Variants in MDM2 observed in about 807,000 individuals in gnomAD.
The protein encoded by MDM2 is MDM2 proto-oncogene, also known as E3 ubiquitin-protein ligase Mdm2.
In MDM2, 11 loss-of-function variants were observed where a neutral mutation model predicts 64.3. The observed-to-expected ratio is 0.17, with a 90% CI of 0.11 to 0.28. The LOEUF is 0.28. Among genes scored for constraint, MDM2 ranks in the 10% least tolerant of loss-of-function variants. The probability of loss-of-function intolerance (pLI) is 1.00; values close to 1 mark genes in which losing one functional copy is unlikely to be tolerated. For missense variants in MDM2, 388 were observed against 577.1 expected, an observed-to-expected ratio of 0.67 and a Z score of 3.36; for synonymous variants, 194 against 192.9, an observed-to-expected ratio of 1.01 and a Z score of -0.05.
intron 8 of MDM2, among the ~76,000 whole-genome samples, chr12:68,833,310 A>ATTTATAT (rs1883023644): frequency 1.8e-5 from 1 of 55,820 alleles, no homozygotes; most frequent in African/African-American, 7.9e-5. Flanking sequence ...TATAAATATA[A>ATTTATAT]AAATATAATT....
rs1397768986 is a variant in MDM2 at position 68,844,108 on chromosome 12, T to C, written c.*4259T>C. The stretch of plus-strand genomic sequence containing the variant: ...AATCTGCAAATGGATTCAACATGTT[T>C]ATGGGTTATTAAAATTGTCTGATTT... On this transcript the variant is annotated 3_prime_UTR_variant, in exon 11 of 11. Transcript: ENST00000258149. 3 of 207,342 alleles carry C rather than the reference T, an allele frequency of 1.4e-5. No individual in the cohort carries two copies. 12.8% of individuals were successfully genotyped at this position (207,342 alleles called of 1,614,324 possible). A position where few individuals can be genotyped will look rare whatever the true frequency, so the allele number is the denominator to read the frequency against.
At chr12:68,837,185 C>T (rs1056621529) in intron 10 of MDM2, among the ~76,000 whole-genome samples, 1 of 151,964 alleles carries the variant, frequency 6.6e-6, no homozygotes, top group African/African-American at 2.4e-5. Context: ...AACTCCTGAC[C>T]TCAAGTGATC....
Position 68,836,741 on chromosome 12 carries a change from T to C in MDM2, c.910T>C (p.Ser304Pro), listed in dbSNP as rs755429424. The stretch of plus-strand genomic sequence containing the variant: ...TTCATTTGAAGAAGATCCTGAAATT[T>C]CCTTAGCTGTAAGTATACATCTACT... ...TDSFEEDPEISLADYWKCTSC... is the reference protein window; with the variant it reads ...TDSFEEDPEIPLADYWKCTSC... Residue 304 changes from serine to proline, a missense_variant, in exon 10 of 11, where the codon TCC becomes CCC. Ser to Pro is a moderately conservative substitution (Grantham distance 74, BLOSUM62 -1). Transcript: ENST00000258149. The C allele has an allele frequency of 2.5e-6, 4 of 1,608,782 alleles. No individual in the cohort carries two copies. The Admixed American group carries it at 6.7e-5, about 27-fold the overall frequency.
chr12:68,833,323 A>G lies in MDM2; in HGVS notation c.685-2506A>G, dbSNP rs1415539862. 4.5e-5 allele frequency among the ~76,000 whole-genome samples: 6 copies of G among 133,194 alleles called. 1 individual carries two copies. The highest frequency in any genetic ancestry group is 4.3e-4 in the South Asian group (2 of 4,608). 87.4% of individuals were successfully genotyped at this position (133,194 alleles called of 152,430 possible). On this transcript the variant is annotated intron_variant, in intron 8 of 10. Coordinates refer to ENST00000258149, the MANE Select transcript of MDM2 (RefSeq NM_002392.6). ...TATATAAATATAAAAATATAATTATATAAATATAAAAATATATATTTATGT... is the reference window on the plus strand; with the variant it reads ...TATATAAATATAAAAATATAATTATGTAAATATAAAAATATATATTTATGT...
intron 4 of MDM2, 48 bp from the exon 5 acceptor site, chr12:68,820,277 A>G (rs373812706): frequency 1.4e-6 from 2 of 1,390,498 alleles, no homozygotes; most frequent in African/African-American, 2.9e-5. Context: ...ACAAATTTTT[A>G]TTCTAAAATG....
intron 3 of MDM2, 48 bp from the exon 4 acceptor site, chr12:68,816,764 C>A: frequency 6.8e-7 from 1 of 1,464,008 alleles, no homozygotes. Context: ...GTATTTACAA[C>A]TAACATTTAG....
chr12:68,824,521 T>G, intron 6 of MDM2, 34 bp from the exon 7 acceptor site: 1 of 1,595,878 alleles, frequency 6.3e-7, no homozygotes, highest in Non-Finnish European at 8.6e-7. Flanking sequence ...TTATGTTAAG[T>G]TTGTTGTATT....
intron 8 of MDM2, among the ~76,000 whole-genome samples, chr12:68,831,250 TACAC>T (rs1435137211): frequency 6.6e-5 from 10 of 152,264 alleles, no homozygotes; most frequent in East Asian, 3.9e-4. Flanking sequence ...AGCTCCCCCT[TACAC>T]AGACAGAGGG....
chr12:68,830,397 T>C (rs1040957500), intron 8 of MDM2, among the ~76,000 whole-genome samples: 3 of 152,208 alleles, frequency 2.0e-5, no homozygotes, highest in African/African-American at 4.8e-5. Flanking sequence ...CTGTTACTTA[T>C]GTAGACCGCT....
chr12:68,811,055 G>C (rs548394193), intron 2 of MDM2, among the ~76,000 whole-genome samples: 3 of 151,740 alleles, frequency 2.0e-5, no homozygotes, highest in South Asian at 4.2e-4. Context: ...AGTAGAGATG[G>C]GGTTTTTCCA....
intron 10 of MDM2, among the ~76,000 whole-genome samples, chr12:68,838,759 C>T (rs1207419133): frequency 1.3e-5 from 2 of 152,290 alleles, no homozygotes; most frequent in South Asian, 2.1e-4. Flanking sequence ...GAAGCAACTG[C>T]ATTTGTATCC....
In MDM2 at chr12:68,808,443, T is replaced by A. The variant is rs780101293; in HGVS notation, c.-35T>A. On this transcript the variant is annotated 5_prime_UTR_variant, in exon 1 of 11. Transcript: ENST00000258149. ...CCCCGTGAAGGAAACTGGGGAGTCTTGAGGGACCCCCGACTCCAAGCGCGA... is the reference window on the plus strand; with the variant it reads ...CCCCGTGAAGGAAACTGGGGAGTCTAGAGGGACCCCCGACTCCAAGCGCGA... 1.9e-6 allele frequency: 3 copies of A among 1,613,892 alleles called. 1 individual carries two copies. The South Asian group carries it at 3.3e-5, about 18-fold the overall frequency.
At chr12:68,833,147 AAAAT>A (rs1425293783) in intron 8 of MDM2, among the ~76,000 whole-genome samples, 19 of 99,800 alleles carry the variant, frequency 1.9e-4, no homozygotes, top group African/African-American at 7.6e-4. Flanking sequence ...AAAAAAAAAA[AAAAT>A]ATATATATAT....
chr12:68,833,531 G>A (rs954072680), intron 8 of MDM2, among the ~76,000 whole-genome samples: 12 of 149,722 alleles, frequency 8.0e-5, no homozygotes, highest in Admixed American at 6.1e-4. Context: ...TCCCAATATT[G>A]CATTTTTTCA....
intron 9 of MDM2, 113 bp downstream of exon 9, chr12:68,836,097 CTT>C: frequency 1.0e-6 from 1 of 972,040 alleles, no homozygotes; most frequent in South Asian, 2.1e-5. Flanking sequence ...ATCTTTACCT[CTT>C]GATTTGTTTA....
chr12:68,829,006 G>T (rs188877276), intron 8 of MDM2, 75 bp downstream of exon 8: 1 of 1,406,080 alleles, frequency 7.1e-7, no homozygotes, highest in Non-Finnish European at 9.9e-7. Context: ...ATAAGGATAC[G>T]GATAGAATGT....
chr12:68,813,987 G>A lies in MDM2; in HGVS notation c.174+359G>A, dbSNP rs148292246. ...GGTTACCAAAATAGTAAACTAGTTT[G>A]TGATATGTGTGCTTTTGTTATTAAC... On this transcript the variant is annotated intron_variant, in intron 3 of 10. Coordinates refer to ENST00000258149, the MANE Select transcript of MDM2 (RefSeq NM_002392.6). Among the ~76,000 whole-genome samples the A allele has an allele frequency of 1.9e-3, 290 of 152,354 alleles. 2 individuals carry two copies. The highest frequency in any genetic ancestry group is 6.3e-3 in the African/African-American group (264 of 41,584).
At chr12:68,821,555 TC>T (rs1410352690) in intron 5 of MDM2, among the ~76,000 whole-genome samples, 66 of 127,646 alleles carry the variant, frequency 5.2e-4, no homozygotes, top group African/African-American at 3.4e-3. Flanking sequence ...AAATCCTAAC[TC>T]TGCAAAAACT....
rs368226930 is a variant in MDM2 at position 68,808,441 on chromosome 12, C to T, written c.-37C>T. On this transcript the variant is annotated 5_prime_UTR_variant, in exon 1 of 11. Transcript: ENST00000258149. ...CGCCCCGTGAAGGAAACTGGGGAGT[C>T]TTGAGGGACCCCCGACTCCAAGCGC... The T allele has an allele frequency of 1.2e-6, 2 of 1,613,876 alleles. No homozygotes were observed. Among genetic ancestry groups the T allele is most frequent in the Non-Finnish European group, 1.7e-6 (2 of 1,180,008 alleles).
Sources: gnomAD v4.1 joint callset for allele counts (sites outside exome capture counted in the v4.1 genomes callset) on GRCh38, gnomAD v4.1.1 for gene constraint, MANE v1.5 for transcripts, NCBI Gene and HGNC (gene_info 2026-07-23, HGNC 2026-07-21) for gene names.